YEATS2: variants seen among roughly 807,000 people sequenced by gnomAD.
YEATS2 encodes YEATS domain containing 2.
In YEATS2, 77 loss-of-function variants were observed where a neutral mutation model predicts 163.2. That is an observed-to-expected ratio of 0.47 (90% CI 0.39 to 0.57). YEATS2 has a LOEUF of 0.57. YEATS2 is among the 20% of genes least tolerant of loss of function. The pLI is 0.00. For missense variants in YEATS2, 1,549 were observed against 1,729.8 expected, an observed-to-expected ratio of 0.90 and a Z score of 1.85; for synonymous variants, 631 against 645.1, an observed-to-expected ratio of 0.98 and a Z score of 0.33.
At chr3:183,743,733 T>C (rs1011797129) in intron 8 of YEATS2, among the ~76,000 whole-genome samples, 1 of 152,196 alleles carries the variant, frequency 6.6e-6, no homozygotes, top group Non-Finnish European at 1.5e-5. Context: ...ACATTTTCTC[T>C]ACATGTGACA....
At chr3:183,725,376 C>T (rs1183489220) in intron 6 of YEATS2, among the ~76,000 whole-genome samples, 1 of 152,150 alleles carries the variant, frequency 6.6e-6, no homozygotes, top group African/African-American at 2.4e-5. Flanking sequence ...CATTTTGTCT[C>T]TCCATTTACA....
chr3:183,737,836 A>G (rs959275000), intron 8 of YEATS2, among the ~76,000 whole-genome samples: 1 of 152,168 alleles, frequency 6.6e-6, no homozygotes, highest in Non-Finnish European at 1.5e-5. Context: ...GTTTCATTGC[A>G]CTTTGCTTAT....
chr3:183,729,879 G>A (rs561171515), intron 7 of YEATS2, among the ~76,000 whole-genome samples: 45 of 151,472 alleles, frequency 3.0e-4, no homozygotes, highest in African/African-American at 9.9e-4. Flanking sequence ...TAGTAGAGAC[G>A]GGCTTTCACC....
chr3:183,709,515 A>G (rs962949903), intron 1 of YEATS2, among the ~76,000 whole-genome samples: 12 of 151,290 alleles, frequency 7.9e-5, no homozygotes, highest in Admixed American at 2.0e-4. Context: ...TTGTGTTTTT[A>G]GTAGAGATGG....
At chr3:183,780,413 C>T (rs890787562) in intron 19 of YEATS2, among the ~76,000 whole-genome samples, 3 of 152,236 alleles carry the variant, frequency 2.0e-5, no homozygotes, top group Non-Finnish European at 4.4e-5. Context: ...ATTCTCCTGG[C>T]GTGTCCCACG....
chr3:183,773,693 G>A lies in YEATS2; in HGVS notation c.2267G>A (p.Gly756Asp), dbSNP rs1230634899. The A allele has an allele frequency of 1.2e-6, 2 of 1,612,884 alleles. No homozygotes were observed. The highest frequency in any genetic ancestry group is 1.7e-6 in the Non-Finnish European group (2 of 1,179,624). The change falls in exon 17 of 31, where the codon GGC becomes GAC. Residue 756 changes from glycine to aspartate, a missense_variant. Transcript: ENST00000305135. ...NLANLANLPP[G>D]TKLYLTTNSK... ...GCCAACTTGGCAAATTTGCCTCCTG[G>A]CACTAAACTCTACCTAACTACAAAC...
At chr3:183,807,868 T>A (rs1213693146) in intron 28 of YEATS2, 162 bp from the exon 29 acceptor site, 4 of 576,682 alleles carry the variant, frequency 6.9e-6, no homozygotes, top group African/African-American at 3.8e-5. Flanking sequence ...TTCTTCTAGA[T>A]GTTATATTCC....
intron 9 of YEATS2, among the ~76,000 whole-genome samples, 189 bp from the exon 10 acceptor site, chr3:183,751,884 T>C (rs1720200445): frequency 6.6e-6 from 1 of 152,216 alleles, no homozygotes; most frequent in East Asian, 1.9e-4. Flanking sequence ...TTCACTGAGG[T>C]ATGTGTCTGT....
intron 18 of YEATS2, among the ~76,000 whole-genome samples, chr3:183,776,451 G>A (rs1308190896): frequency 2.0e-5 from 3 of 152,090 alleles, no homozygotes; most frequent in Admixed American, 6.5e-5. Context: ...GGTTGAGGTG[G>A]GAGGATTGCT....
At chr3:183,757,725 C>T (rs779739741) in intron 12 of YEATS2, among the ~76,000 whole-genome samples, 3 of 150,706 alleles carry the variant, frequency 2.0e-5, no homozygotes, top group Non-Finnish European at 4.4e-5. Flanking sequence ...GTTTGTTTGA[C>T]CTATTGGATT....
intron 25 of YEATS2, 134 bp from the exon 26 acceptor site, chr3:183,803,122 A>C: frequency 1.1e-6 from 1 of 880,442 alleles, no homozygotes; most frequent in Non-Finnish European, 1.8e-6. Flanking sequence ...GTTAGGCTGC[A>C]TCTGAGCTTG....
At chr3:183,772,777 A>C (rs999246811) in intron 16 of YEATS2, among the ~76,000 whole-genome samples, 10 of 150,084 alleles carry the variant, frequency 6.7e-5, no homozygotes, top group African/African-American at 2.2e-4. Context: ...ACACACACAC[A>C]CCCACATACA....
chr3:183,809,514 T>C (rs543548475), intron 30 of YEATS2: 1 of 174,280 alleles, frequency 5.7e-6, no homozygotes, highest in African/African-American at 2.4e-5. Context: ...TTGCATATAT[T>C]ACCTAATTTG....
In YEATS2 at chr3:183,808,041, C is replaced by T. The variant is rs1446186516; in HGVS notation, c.4023C>T (p.Thr1341=). The T allele has an allele frequency of 6.4e-7, 1 of 1,561,946 alleles. No homozygotes were observed. The highest frequency in any genetic ancestry group is 1.2e-5 in the South Asian group (1 of 84,658). ...TTCTGCTTTTCCAGATTGGGATCAC[C>T]CTGCAGCCCGTGGCACTCCACAGGA... The part of the protein sequence containing the change: ...IGDVTQKIGI[T]LQPVALHRNV... The change falls in exon 29 of 31, where the codon ACC becomes ACT. Residue 1341 remains threonine (T), a synonymous_variant. Transcript: ENST00000305135.
rs1474862990 is a variant in YEATS2, at chr3:183,798,015, G to A, written c.3190G>A (p.Gly1064Arg). ...QLKPLSVNTS[G>R]GVQTILMPVN... ...CAAACCACTCAGCGTAAACACATCT[G>A]GAGGGGTGCAGACGATCCTGATGCC... The change falls in exon 22 of 31, where the codon GGA (glycine) becomes AGA (arginine). Residue 1064 changes from glycine to arginine, a missense_variant. Transcript: ENST00000305135. The A allele has an allele frequency of 6.2e-7, 1 of 1,614,120 alleles. No individual in the cohort carries two copies. The highest frequency in any genetic ancestry group is 1.3e-5 in the African/African-American group (1 of 75,054).
intron 1 of YEATS2, among the ~76,000 whole-genome samples, chr3:183,712,507 A>C (rs1715377132): frequency 6.6e-6 from 1 of 151,920 alleles, no homozygotes; most frequent in Admixed American, 6.6e-5. Flanking sequence ...TACCGCAGCC[A>C]GCCTAATTTT....
chr3:183,798,925 C>T lies in YEATS2; in HGVS notation c.3261C>T (p.Ala1087=), dbSNP rs370573637. Residue 1087 remains alanine (A), a synonymous_variant, in exon 23 of 31, where the codon GCC becomes GCT. Transcript: ENST00000305135. ...CATTTTCTACCAGCAAGCCACCTGC[C>T]ATTCTGCCTGTAGCTGCCCCAACTC... ...VQSFSTSKPP[A]ILPVAAPTPV... 1.8e-5 allele frequency: 29 copies of T among 1,614,038 alleles called. No homozygotes were observed. Among genetic ancestry groups the T allele is most frequent in the Non-Finnish European group, 2.5e-5 (29 of 1,180,018 alleles).
At chr3:183,793,495 T>C (rs200465375) in intron 21 of YEATS2, 4 of 422,202 alleles carry the variant, frequency 9.5e-6, no homozygotes, top group Non-Finnish European at 1.1e-5. Context: ...AATGAATACC[T>C]TGTCTGTTTT....
chr3:183,750,159 A>G (rs1720015905), intron 9 of YEATS2, among the ~76,000 whole-genome samples: 1 of 151,850 alleles, frequency 6.6e-6, no homozygotes, highest in Non-Finnish European at 1.5e-5. Context: ...GGGTCTCACT[A>G]TGTTGTCCAG....
Sources: allele counts gnomAD v4.1 joint callset (sites outside exome capture counted in the v4.1 genomes callset), GRCh38; gene constraint gnomAD v4.1.1; transcripts MANE v1.5; gene names NCBI Gene and HGNC (gene_info 2026-07-23, HGNC 2026-07-21).